The following EXT2 variants were observed in gnomAD, a reference collection of about 807,000 sequenced individuals.
EXT2 encodes exostosin glycosyltransferase 2, also known as exostosin-2.
In EXT2, 53 loss-of-function variants were observed where a neutral mutation model predicts 81.6. The observed-to-expected ratio is 0.65, with a 90% CI of 0.52 to 0.82. The LOEUF is 0.82. Among genes scored for constraint, EXT2 ranks in the 40% least tolerant of loss-of-function variants. The pLI is 0.00. For missense variants in EXT2, 774 were observed against 910.2 expected, an observed-to-expected ratio of 0.85 and a Z score of 1.93; for synonymous variants, 320 against 340.0, an observed-to-expected ratio of 0.94 and a Z score of 0.65.
chr11:44,211,210 G>C (rs1006933833), intron 10 of EXT2, among the ~76,000 whole-genome samples: 46 of 152,166 alleles, frequency 3.0e-4, no homozygotes, highest in African/African-American at 1.1e-3. Flanking sequence ...TTTTGGAAAA[G>C]AGCATGGAGG....
At chr11:44,160,373 T>C (rs1467123401) in intron 7 of EXT2, among the ~76,000 whole-genome samples, 1 of 152,196 alleles carries the variant, frequency 6.6e-6, no homozygotes, top group African/African-American at 2.4e-5. Context: ...GCTTGATAAA[T>C]TGGAGAAAAG....
chr11:44,169,994 CA>C (rs1334802041), intron 7 of EXT2, among the ~76,000 whole-genome samples: 1 of 151,954 alleles, frequency 6.6e-6, no homozygotes, highest in Admixed American at 6.6e-5. Flanking sequence ...TGCAGGCAGA[CA>C]AAAACCAATA....
At chr11:44,214,995 A>G (rs1317165618) in intron 10 of EXT2, among the ~76,000 whole-genome samples, 1 of 152,022 alleles carries the variant, frequency 6.6e-6, no homozygotes, top group Non-Finnish European at 1.5e-5. Flanking sequence ...TCCTGGTTTC[A>G]AGCAATCCTC....
At chr11:44,208,674 A>G (rs948191276) in intron 10 of EXT2, among the ~76,000 whole-genome samples, 1 of 152,222 alleles carries the variant, frequency 6.6e-6, no homozygotes, top group African/African-American at 2.4e-5. Context: ...GTTTCTGTCA[A>G]CGTCCCGAGT....
chr11:44,197,830 A>G lies in EXT2; in HGVS notation c.1307A>G (p.Lys436Arg). 2 of 1,613,968 alleles carry G rather than the reference A, an allele frequency of 1.2e-6. No individual in the cohort carries two copies. Among genetic ancestry groups the G allele is most frequent in the Non-Finnish European group, 1.7e-6 (2 of 1,179,924 alleles). ...YEEWNDPPAV[K>R]WGSVSNPLFL... is the part of the protein sequence containing the mutation. Reference sequence around the variant, plus strand: ...CCGTGTTAATCTGTCCTCTTGTAGAAGTGGGGCAGCGTGAGCAATCCACTC... The same window carrying G: ...CCGTGTTAATCTGTCCTCTTGTAGAGGTGGGGCAGCGTGAGCAATCCACTC... The change falls in exon 9 of 14, where the codon AAG (lysine) becomes AGG (arginine). Residue 436 changes from lysine to arginine, a missense_variant and splice_region_variant. Physicochemically the swap from Lys to Arg is conservative, Grantham distance 26 (BLOSUM62 2). Coordinates refer to ENST00000533608, the MANE Select transcript of EXT2 (RefSeq NM_207122.2).
intron 9 of EXT2, among the ~76,000 whole-genome samples, chr11:44,201,477 C>A (rs1230171298): frequency 1.3e-5 from 2 of 152,120 alleles, no homozygotes; most frequent in African/African-American, 4.8e-5. Flanking sequence ...TCCCATTTTA[C>A]AAAAATAAGA....
chr11:44,206,823 T>G lies in EXT2; in HGVS notation c.1526T>G (p.Leu509Ter), dbSNP rs769371385. ...DSLWPKIRVPLKVVRTAENKL... is the reference protein window; with the variant it reads ...DSLWPKIRVP ...CTCTGGCCCAAAATCCGGGTTCCAT[T>G]AAAAGTTGTGAGGACTGCTGAAAAC... Residue 509 changes from leucine (L) to a stop codon, truncating the protein, a stop_gained, in exon 10 of 14, where the codon TTA becomes TGA. Transcript: ENST00000533608. LOFTEE classifies it high-confidence loss of function. 1 of 1,614,062 alleles carries G rather than the reference T, an allele frequency of 6.2e-7. No individual in the cohort carries two copies. The highest frequency in any genetic ancestry group is 1.1e-5 in the South Asian group (1 of 91,074).
chr11:44,204,976 G>C (rs1955565443), intron 9 of EXT2, among the ~76,000 whole-genome samples: 1 of 152,172 alleles, frequency 6.6e-6, no homozygotes, highest in Non-Finnish European at 1.5e-5. Flanking sequence ...GATGATTGCT[G>C]GAGAAAGTGA....
intron 10 of EXT2, among the ~76,000 whole-genome samples, chr11:44,227,713 A>G (rs771450678): frequency 3.3e-5 from 5 of 152,240 alleles, no homozygotes; most frequent in Admixed American, 6.5e-5. Flanking sequence ...GAAAATGGCC[A>G]AGTAAGCATA....
At chr11:44,204,569 A>G (rs971400368) in intron 9 of EXT2, among the ~76,000 whole-genome samples, 1 of 152,244 alleles carries the variant, frequency 6.6e-6, no homozygotes. Flanking sequence ...ACCCGTAGCC[A>G]TCTGTGGCCT....
rs531451383 is a variant in EXT2 at position 44,171,992 on chromosome 11, G to A, written c.1305+250G>A. The A allele has an allele frequency of 5.7e-6, 3 of 529,058 alleles. No individual in the cohort carries two copies. The South Asian group carries it at 6.1e-5, about 11-fold the overall frequency. The allele number at this position is 529,058 out of a possible 1,614,324, so 32.8% of individuals were successfully genotyped here. On this transcript the variant is annotated intron_variant, in intron 8 of 13. Transcript: ENST00000533608. ...GACTGTCTATTTATTGCAGAGATAA[G>A]TAAGGAGGCATGGGTCTTGTTGGAA...
In EXT2 at chr11:44,246,663, T is replaced by C. The variant is rs755944239; in HGVS notation, c.*2376T>C. 6.6e-6 allele frequency among the ~76,000 whole-genome samples: 1 copy of C among 152,206 alleles called. No individual in the cohort carries two copies. The highest frequency in any genetic ancestry group is 1.5e-5 in the Non-Finnish European group (1 of 68,034). The stretch of plus-strand genomic sequence containing the variant: ...AAGGTGATGTTACCCTATGAACAGA[T>C]AGGTGGTACAGTCACCGTAGAAATT... On this transcript the variant is annotated 3_prime_UTR_variant, in exon 14 of 14. Coordinates refer to ENST00000533608, the MANE Select transcript of EXT2 (RefSeq NM_207122.2).
intron 8 of EXT2, among the ~76,000 whole-genome samples, chr11:44,187,252 A>G (rs1955328282): frequency 6.6e-6 from 1 of 151,344 alleles, no homozygotes; most frequent in Non-Finnish European, 1.5e-5. Context: ...ATCACAGCTC[A>G]CTGCAGCCTC....
At chr11:44,213,396 C>T (rs186936669) in intron 10 of EXT2, among the ~76,000 whole-genome samples, 140 of 152,176 alleles carry the variant, frequency 9.2e-4, no homozygotes, top group African/African-American at 2.6e-3. Context: ...AATTAACAGA[C>T]GCCAACAAGG....
At chr11:44,222,887 CA>C (rs1377805490) in intron 10 of EXT2, among the ~76,000 whole-genome samples, 7 of 152,120 alleles carry the variant, frequency 4.6e-5, no homozygotes, top group Non-Finnish European at 1.0e-4. Flanking sequence ...ACATATCCAA[CA>C]AAGGGCTAAA....
chr11:44,127,039 A>G, intron 6 of EXT2, 84 bp downstream of exon 6: 2 of 1,524,602 alleles, frequency 1.3e-6, no homozygotes, highest in Non-Finnish European at 1.8e-6. Flanking sequence ...TGTAATGTAT[A>G]CCCTGGTTCA....
intron 7 of EXT2, among the ~76,000 whole-genome samples, chr11:44,133,602 C>T (rs1346464539): frequency 6.6e-6 from 1 of 152,150 alleles, no homozygotes; most frequent in Non-Finnish European, 1.5e-5. Context: ...CCAAGAAATC[C>T]TAAATGCCAT....
rs556790885 is a variant in EXT2 at position 44,161,072 on chromosome 11, T to C, written c.1174-10539T>C. Among the ~76,000 whole-genome samples, 3 of 152,326 alleles carry C rather than the reference T, an allele frequency of 2.0e-5. No individual in the cohort carries two copies. In the East Asian group the frequency reaches 5.8e-4, roughly 29 times the overall value. ...TATACATCAAAATAAAATTAAAGTG[T>C]GGGACTAGAAGCAGTTGGAATTTTG... is the stretch of plus-strand genomic sequence containing the variant. On this transcript the variant is annotated intron_variant, in intron 7 of 13. Transcript: ENST00000533608.
At position 44,234,218 on chromosome 11, in the gene EXT2, A is replaced by G. The variant is rs1205174546; in HGVS notation, c.1910A>G (p.Asn637Ser). The G allele has an allele frequency of 6.2e-7, 1 of 1,614,138 alleles. No individual in the cohort carries two copies. The highest frequency in any genetic ancestry group is 2.2e-5 in the East Asian group (1 of 44,876). Residue 637 changes from asparagine (N) to serine (S), a missense_variant, in exon 12 of 14, where the codon AAC becomes AGC. This residue lies in a region of EXT2 where 148 missense variants were observed against 239.7 expected (regional missense o/e 0.62). Coordinates refer to ENST00000533608, the MANE Select transcript of EXT2 (RefSeq NM_207122.2). ...EDIAMNFLVA[N>S]VTGKAVIKVT... ...ATTGCCATGAACTTCCTGGTGGCCA[A>G]CGTCACGGGAAAAGCAGTTATCAAG...
Sources: allele counts gnomAD v4.1 joint callset (sites outside exome capture counted in the v4.1 genomes callset), GRCh38; gene constraint gnomAD v4.1.1; regional missense constraint gnomAD v4.1.1; transcripts MANE v1.5; gene names NCBI Gene and HGNC (gene_info 2026-07-23, HGNC 2026-07-21).